The following CNTLN variants were observed in gnomAD, a reference collection of about 807,000 sequenced individuals.
CNTLN encodes centlein, also known as centlein, centrosomal protein.
A neutral mutation model predicts 180.0 loss-of-function variants in CNTLN; 212 were observed. That is an observed-to-expected ratio of 1.18 (90% confidence interval 1.05 to 1.32). The LOEUF (loss-of-function observed/expected upper bound fraction) is 1.32, where lower values mean the gene tolerates loss of function less well. Among genes scored for constraint, CNTLN ranks in the 40% most tolerant of loss-of-function variants. The pLI is 0.00. For synonymous variants in CNTLN, 722 were observed against 563.1 expected, an observed-to-expected ratio of 1.28 and a Z score of -3.99; for missense variants, 2,095 against 1,610.9, an observed-to-expected ratio of 1.30 and a Z score of -5.14.
the CNTLN span, among the ~76,000 whole-genome samples, chr9:17,510,160 T>C: frequency 6.6e-6 from 1 of 151,966 alleles, no homozygotes; most frequent in Non-Finnish European, 1.5e-5. Flanking sequence ...ACTTCAGGAT[T>C]GAAGGTTTGG....
chr9:17,397,894 C>T (rs1826659940), intron 15 of CNTLN, among the ~76,000 whole-genome samples: 1 of 152,140 alleles, frequency 6.6e-6, no homozygotes, highest in South Asian at 2.1e-4. Context: ...TCAAGAGTCA[C>T]TCAGCTGCAA....
chr9:17,407,191 A>G (rs980017268), intron 15 of CNTLN, among the ~76,000 whole-genome samples: 5 of 152,202 alleles, frequency 3.3e-5, no homozygotes, highest in Admixed American at 6.5e-5. Context: ...GAAACAGAAA[A>G]GTGTAGTTGT....
intron 8 of CNTLN, among the ~76,000 whole-genome samples, chr9:17,321,695 A>C (rs527608051): frequency 5.3e-5 from 8 of 152,298 alleles, no homozygotes; most frequent in African/African-American, 1.4e-4. Context: ...TGGTAGGGAG[A>C]AGATCTGATT....
At chr9:17,294,185 C>A (rs1183948350) in intron 6 of CNTLN, among the ~76,000 whole-genome samples, 5 of 151,668 alleles carry the variant, frequency 3.3e-5, no homozygotes, top group Non-Finnish European at 7.4e-5. Context: ...TGAGCAGCAG[C>A]AAGATTTATT....
intron 8 of CNTLN, among the ~76,000 whole-genome samples, chr9:17,315,303 G>A (rs1298368020): frequency 6.6e-6 from 1 of 152,072 alleles, no homozygotes; most frequent in Non-Finnish European, 1.5e-5. Flanking sequence ...TTTTAAAGAT[G>A]ATATATGTTG....
intron 20 of CNTLN, among the ~76,000 whole-genome samples, chr9:17,463,293 A>T (rs1013733370): frequency 6.6e-6 from 1 of 151,602 alleles, no homozygotes; most frequent in African/African-American, 2.4e-5. Flanking sequence ...TGAATGAAAA[A>T]CTTTACAACG....
chr9:17,390,699 G>GAATTA (rs1826047680), intron 14 of CNTLN, among the ~76,000 whole-genome samples: 1 of 152,054 alleles, frequency 6.6e-6, no homozygotes, highest in South Asian at 2.1e-4. Flanking sequence ...TGCTGTTTTT[G>GAATTA]AAGGATTAAA....
chr9:17,354,569 G>A (rs996242787), intron 12 of CNTLN, among the ~76,000 whole-genome samples: 4 of 152,138 alleles, frequency 2.6e-5, no homozygotes, highest in Non-Finnish European at 5.9e-5. Context: ...TAGCTGCTCT[G>A]GTGGGGCCTT....
chr9:17,243,986 C>G (rs1011513118), intron 5 of CNTLN, among the ~76,000 whole-genome samples: 1 of 151,780 alleles, frequency 6.6e-6, no homozygotes, highest in Non-Finnish European at 1.5e-5. Context: ...TCTTGGTGCT[C>G]CAGTGTTGGG....
intron 23 of CNTLN, 118 bp downstream of exon 23, chr9:17,467,009 T>C (rs573005203): frequency 6.4e-5 from 39 of 607,256 alleles, no homozygotes; most frequent in African/African-American, 5.3e-4. Flanking sequence ...AGAAAGCATC[T>C]TCTTCTACCC....
intron 13 of CNTLN, among the ~76,000 whole-genome samples, chr9:17,368,443 A>C (rs763680376): frequency 6.6e-6 from 1 of 152,154 alleles, no homozygotes; most frequent in African/African-American, 2.4e-5. Context: ...AGGGAATGAC[A>C]CAAGTCTGAC....
intron 2 of CNTLN, among the ~76,000 whole-genome samples, chr9:17,196,252 G>A (rs1822124375): frequency 6.6e-6 from 1 of 152,042 alleles, no homozygotes. Context: ...TCGAACTCTT[G>A]ACCTCAGGTG....
intron 10 of CNTLN, among the ~76,000 whole-genome samples, chr9:17,334,621 C>T (rs1023339709): frequency 1.3e-5 from 2 of 152,142 alleles, no homozygotes; most frequent in African/African-American, 4.8e-5. Context: ...TTTGCAGCAA[C>T]ATGAGTGCAG....
At chr9:17,209,256 T>G (rs1823122941) in intron 2 of CNTLN, among the ~76,000 whole-genome samples, 3 of 152,214 alleles carry the variant, frequency 2.0e-5, no homozygotes. Flanking sequence ...ATTTCTAGTT[T>G]TATTCCATTG....
chr9:17,250,258 T>C (rs1826057735), intron 5 of CNTLN, among the ~76,000 whole-genome samples: 3 of 152,066 alleles, frequency 2.0e-5, no homozygotes, highest in Admixed American at 1.3e-4. Context: ...TATCTTTGGA[T>C]TTAAAGTGAG....
chr9:17,315,494 CA>C (rs1819477801), intron 8 of CNTLN, among the ~76,000 whole-genome samples: 1 of 151,978 alleles, frequency 6.6e-6, no homozygotes. Flanking sequence ...AAGCTTTTGT[CA>C]GCCATGGCCT....
At chr9:17,218,323 A>G (rs1264761511) in intron 2 of CNTLN, among the ~76,000 whole-genome samples, 2 of 152,158 alleles carry the variant, frequency 1.3e-5, no homozygotes, top group African/African-American at 4.8e-5. Flanking sequence ...AATTATTTTT[A>G]TTCCACATAT....
the CNTLN span, among the ~76,000 whole-genome samples, chr9:17,512,917 C>T: frequency 6.6e-6 from 1 of 152,122 alleles, no homozygotes; most frequent in Non-Finnish European, 1.5e-5. Flanking sequence ...CCCGGGTTCA[C>T]GCCATTGTCC....
At chr9:17,364,002 T>TAGA (rs1355778744) in intron 12 of CNTLN, among the ~76,000 whole-genome samples, 1 of 152,194 alleles carries the variant, frequency 6.6e-6, no homozygotes, top group African/African-American at 2.4e-5. Flanking sequence ...CTTTAGTTGT[T>TAGA]AGAAGTGTTT....
Sources: allele counts gnomAD v4.1 joint callset (sites outside exome capture counted in the v4.1 genomes callset), GRCh38; gene constraint gnomAD v4.1.1; transcripts MANE v1.5; gene names NCBI Gene and HGNC (gene_info 2026-07-23, HGNC 2026-07-21).